LRRTM4: variants seen among roughly 807,000 people sequenced by gnomAD.
The protein encoded by LRRTM4 is leucine rich repeat transmembrane neuronal 4.
In LRRTM4, 25 loss-of-function variants were observed where a neutral mutation model predicts 47.6. The ratio of observed to expected loss-of-function variants is 0.53; its 90% CI spans 0.38 to 0.73. The LOEUF is 0.73. Ranked by LOEUF, LRRTM4 falls within the 30% of genes least tolerant of loss-of-function variation. The pLI is 0.00. For missense variants in LRRTM4, 638 were observed against 713.4 expected (o/e 0.89, Z 1.20); for synonymous variants, 311 against 269.5 (o/e 1.15, Z -1.51).
At chr2:77,103,628 G>C (rs1052636242) in intron 3 of LRRTM4, among the ~76,000 whole-genome samples, 1 of 141,474 alleles carries the variant, frequency 7.1e-6, no homozygotes, top group Non-Finnish European at 1.5e-5. Flanking sequence ...TAATTCAGGA[G>C]AGTGTTATAT....
intron 3 of LRRTM4, among the ~76,000 whole-genome samples, chr2:76,796,768 A>T (rs1013759874): frequency 4.6e-5 from 7 of 151,948 alleles, no homozygotes; most frequent in Admixed American, 4.6e-4. Flanking sequence ...CCTCCTCCAA[A>T]GGAACGCAGT....
At position 77,059,344 on chromosome 2, in the gene LRRTM4, T is replaced by C. The variant is rs532199503; in HGVS notation, c.1552-310428A>G. On this transcript the variant is annotated intron_variant, in intron 3 of 3. Coordinates refer to ENST00000409884, the MANE Select transcript of LRRTM4 (RefSeq NM_001134745.3). Reference sequence around the variant, plus strand: ...GTGGATAATTCTTTCAGTAGAGTTGTCTTAATATTCCAAAGTCACTTTTTC... The same window carrying C: ...GTGGATAATTCTTTCAGTAGAGTTGCCTTAATATTCCAAAGTCACTTTTTC... Among the ~76,000 whole-genome samples the C allele has an allele frequency of 2.0e-5, 3 of 151,258 alleles. No individual in the cohort carries two copies. The East Asian group carries it at 5.8e-4, about 29-fold the overall frequency.
intron 3 of LRRTM4, among the ~76,000 whole-genome samples, chr2:77,368,261 C>T (rs1389996762): frequency 6.6e-6 from 1 of 151,666 alleles, no homozygotes; most frequent in African/African-American, 2.4e-5. Flanking sequence ...GTATAGGTGA[C>T]TCAACTATGA....
At chr2:76,828,950 GA>G (rs1463495930) in intron 3 of LRRTM4, among the ~76,000 whole-genome samples, 13 of 151,854 alleles carry the variant, frequency 8.6e-5, no homozygotes, top group Non-Finnish European at 1.8e-4. Flanking sequence ...TTCATACCAT[GA>G]AATATCTTAT....
chr2:76,826,397 A>G (rs149674111), intron 3 of LRRTM4, among the ~76,000 whole-genome samples: 2 of 151,682 alleles, frequency 1.3e-5, no homozygotes, highest in East Asian at 1.9e-4. Flanking sequence ...ACCCTTATAT[A>G]TGATCTAGTT....
At chr2:76,913,725 G>T (rs1007584204) in intron 3 of LRRTM4, among the ~76,000 whole-genome samples, 9 of 151,762 alleles carry the variant, frequency 5.9e-5, no homozygotes, top group Admixed American at 3.3e-4. Flanking sequence ...TTTCATTAGC[G>T]ATAGGGTTTC....
intron 3 of LRRTM4, among the ~76,000 whole-genome samples, chr2:76,776,165 C>T (rs886308558): frequency 3.9e-5 from 6 of 152,152 alleles, no homozygotes; most frequent in Non-Finnish European, 7.3e-5. Context: ...CATTGTTGGA[C>T]ATTTGGGTTG....
chr2:77,026,051 C>T, intron 3 of LRRTM4, among the ~76,000 whole-genome samples: 1 of 152,120 alleles, frequency 6.6e-6, no homozygotes, highest in South Asian at 2.1e-4. Context: ...TAAAGTCACG[C>T]ATTATAAACG....
intron 3 of LRRTM4, among the ~76,000 whole-genome samples, chr2:77,332,754 G>C (rs930277204): frequency 6.6e-6 from 1 of 152,150 alleles, no homozygotes; most frequent in East Asian, 1.9e-4. Flanking sequence ...GTCACTAATT[G>C]TTTTACTGCA....
At chr2:76,835,912 G>C (rs1380029960) in intron 3 of LRRTM4, among the ~76,000 whole-genome samples, 1 of 151,894 alleles carries the variant, frequency 6.6e-6, no homozygotes, top group African/African-American at 2.4e-5. Flanking sequence ...AAATCCACAG[G>C]ACTATTTTAA....
At chr2:76,824,920 G>A (rs182591318) in intron 3 of LRRTM4, among the ~76,000 whole-genome samples, 1 of 151,716 alleles carries the variant, frequency 6.6e-6, no homozygotes, top group African/African-American at 2.4e-5. Flanking sequence ...CATACATCTA[G>A]TGACCATCAA....
chr2:76,959,073 C>T (rs959002555), intron 3 of LRRTM4, among the ~76,000 whole-genome samples: 2 of 151,668 alleles, frequency 1.3e-5, no homozygotes, highest in Non-Finnish European at 3.0e-5. Context: ...GCATCATGAG[C>T]ATAATCAGGC....
intron 3 of LRRTM4, among the ~76,000 whole-genome samples, chr2:77,288,668 T>C (rs1205602910): frequency 2.0e-5 from 3 of 152,116 alleles, no homozygotes; most frequent in Non-Finnish European, 4.4e-5. Flanking sequence ...AACATTTGTC[T>C]GTCTTCAAAT....
At chr2:77,485,897 A>AT (rs70956636) in intron 3 of LRRTM4, among the ~76,000 whole-genome samples, 6,719 of 148,112 alleles carry the variant, frequency 0.045, 181 homozygotes, top group African/African-American at 0.076. Flanking sequence ...CAGTCGGCTA[A>AT]TTTTTTTTTT....
chr2:77,520,428 C>T (rs1207279525), intron 2 of LRRTM4, among the ~76,000 whole-genome samples: 1 of 151,990 alleles, frequency 6.6e-6, no homozygotes, highest in Admixed American at 6.6e-5. Flanking sequence ...GAAAAAACAG[C>T]ATTGAGACTA....
intron 3 of LRRTM4, among the ~76,000 whole-genome samples, chr2:77,169,660 T>C (rs1672990725): frequency 6.6e-6 from 1 of 152,130 alleles, no homozygotes; most frequent in African/African-American, 2.4e-5. Context: ...TTGCCTGCCC[T>C]TTTTCCTTAT....
At chr2:77,065,766 T>C (rs76340128) in intron 3 of LRRTM4, among the ~76,000 whole-genome samples, 2 of 152,252 alleles carry the variant, frequency 1.3e-5, no homozygotes, top group Non-Finnish European at 2.9e-5. Context: ...CTCCCCCCAT[T>C]AGTTAACAGA....
chr2:76,780,835 C>A (rs868202584), intron 3 of LRRTM4, among the ~76,000 whole-genome samples: 4 of 151,118 alleles, frequency 2.6e-5, no homozygotes, highest in African/African-American at 9.7e-5. Flanking sequence ...GAGAGGTGCT[C>A]TGCTTTTCAG....
At chr2:77,056,157 T>A (rs1679600475) in intron 3 of LRRTM4, among the ~76,000 whole-genome samples, 1 of 149,756 alleles carries the variant, frequency 6.7e-6, no homozygotes, top group Non-Finnish European at 1.5e-5. Context: ...AACCTGCACA[T>A]TGTGCACATG....
Sources: allele counts gnomAD v4.1 joint callset (sites outside exome capture counted in the v4.1 genomes callset), GRCh38; gene constraint gnomAD v4.1.1; transcripts MANE v1.5; gene names NCBI Gene and HGNC (gene_info 2026-07-23, HGNC 2026-07-21).